RELN: variants seen among roughly 807,000 people sequenced by gnomAD.
RELN encodes the protein reelin.
Under a neutral mutation model 427.6 loss-of-function variants are expected in RELN, and 108 were observed. That is an observed-to-expected ratio of 0.25 (90% CI 0.22 to 0.30). The LOEUF (loss-of-function observed/expected upper bound fraction) is 0.30, where lower values mean the gene tolerates loss of function less well. Among genes scored for constraint, RELN ranks in the 10% least tolerant of loss-of-function variants. The pLI is 1.00. For missense variants in RELN, 3,715 were observed against 4,302.8 expected (o/e 0.86, Z 3.82); for synonymous variants, 1,524 against 1,513.4 (o/e 1.01, Z -0.16).
intron 16 of RELN, among the ~76,000 whole-genome samples, chr7:103,645,396 G>A (rs1156716955): frequency 9.2e-5 from 14 of 151,380 alleles, no homozygotes; most frequent in East Asian, 5.8e-4. Context: ...CCACCTAACT[G>A]GTAAAGACAC....
intron 50 of RELN, among the ~76,000 whole-genome samples, chr7:103,511,299 T>A (rs1423247808): frequency 6.6e-6 from 1 of 152,148 alleles, no homozygotes; most frequent in East Asian, 1.9e-4. Flanking sequence ...AATAACTAAT[T>A]TTTTGACAGA....
intron 1 of RELN, among the ~76,000 whole-genome samples, chr7:103,972,311 C>T (rs887582054): frequency 3.6e-4 from 54 of 152,072 alleles, no homozygotes; most frequent in Admixed American, 6.6e-5. Flanking sequence ...TCTGCATGCA[C>T]GTATGCAAAT....
At chr7:103,593,943 A>G in intron 26 of RELN, 61 bp from the exon 27 acceptor site, 2 of 1,305,932 alleles carry the variant, frequency 1.5e-6, no homozygotes, top group African/African-American at 1.5e-5. Flanking sequence ...ACAAGAAAGG[A>G]ATTTTCATTT....
At chr7:103,658,803 A>ATCTC (rs140889823) in intron 12 of RELN, among the ~76,000 whole-genome samples, 4 of 145,528 alleles carry the variant, frequency 2.7e-5, no homozygotes, top group East Asian at 2.0e-4. Context: ...ATCCTGGTTG[A>ATCTC]TCTCTCTCTC....
At chr7:103,940,651 A>C (rs556257324) in intron 1 of RELN, among the ~76,000 whole-genome samples, 3 of 152,330 alleles carry the variant, frequency 2.0e-5, no homozygotes, top group African/African-American at 7.2e-5. Flanking sequence ...ACCTTGAGGC[A>C]TAAACCTCTC....
Position 103,589,585 on chromosome 7 carries a change from G to A in RELN, c.4145+11C>T, listed in dbSNP as rs761694952. ...TTAATGGCCCAAACCCATTAAGAATGATTACTTTACCTGGATGCAAGAGAC... is the reference window on the plus strand; with the variant it reads ...TTAATGGCCCAAACCCATTAAGAATAATTACTTTACCTGGATGCAAGAGAC... On this transcript the variant is annotated intron_variant, in intron 28 of 64. Coordinates refer to ENST00000428762, the MANE Select transcript of RELN (RefSeq NM_005045.4). The A allele has an allele frequency of 7.0e-6, 11 of 1,574,716 alleles. No individual in the cohort carries two copies. The Admixed American group carries it at 8.3e-5, about 12-fold the overall frequency.
At position 103,630,068 on chromosome 7, in the gene RELN, C is replaced by T; in HGVS notation, c.2574G>A (p.Glu858=). 6.2e-7 allele frequency: 1 copy of T among 1,613,220 alleles called. No individual in the cohort carries two copies. Among genetic ancestry groups the T allele is most frequent in the Non-Finnish European group, 8.5e-7 (1 of 1,179,270 alleles). The change falls in exon 20 of 65, where the codon GAG becomes GAA. Residue 858 remains glutamate, a synonymous_variant. Coordinates refer to ENST00000428762, the MANE Select transcript of RELN (RefSeq NM_005045.4). The part of the protein sequence containing the change: ...SQREDVWAID[E]IIMTSVLFNS... ...TGAAAAGCACAGATGTCATGATAAT[C>T]TCATCAATAGCCCATACATCTTCTC...
intron 1 of RELN, among the ~76,000 whole-genome samples, chr7:103,941,394 C>T (rs1418571093): frequency 6.6e-6 from 1 of 152,126 alleles, no homozygotes; most frequent in African/African-American, 2.4e-5. Context: ...TTTCTTTCCT[C>T]TTAAAGCAGA....
rs1042946541 is a variant in RELN, at chr7:103,521,942, A to G, written c.7668+80T>C. 4.1e-6 allele frequency: 6 copies of G among 1,445,934 alleles called. No individual in the cohort carries two copies. In the African/African-American group the frequency reaches 5.6e-5, roughly 13 times the overall value. The allele number at this position is 1,445,934 out of a possible 1,614,324, so 89.6% of individuals were successfully genotyped here. ...ACTAACCCTGCATCTTGATTTGCCCATTAAACTTCAGAAGAGAGTCAACTA... is the reference window on the plus strand; with the variant it reads ...ACTAACCCTGCATCTTGATTTGCCCGTTAAACTTCAGAAGAGAGTCAACTA... On this transcript the variant is annotated intron_variant, in intron 48 of 64. Transcript: ENST00000428762.
At chr7:103,985,825 C>A (rs1180379692) in intron 1 of RELN, among the ~76,000 whole-genome samples, 1 of 152,146 alleles carries the variant, frequency 6.6e-6, no homozygotes, top group South Asian at 2.1e-4. Flanking sequence ...ATCCAACCAT[C>A]ACACTTTTCA....
chr7:103,663,046 C>G (rs1833179968), intron 11 of RELN, among the ~76,000 whole-genome samples: 1 of 152,146 alleles, frequency 6.6e-6, no homozygotes, highest in Non-Finnish European at 1.5e-5. Flanking sequence ...TGTCAGCCCT[C>G]TGAATCTTAA....
intron 11 of RELN, among the ~76,000 whole-genome samples, chr7:103,675,097 GTC>G (rs1833486598): frequency 6.6e-6 from 1 of 152,146 alleles, no homozygotes; most frequent in South Asian, 2.1e-4. Context: ...AAGTCAAATT[GTC>G]TCTGTTTGCA....
At chr7:103,502,661 A>C (rs1160714963) in intron 52 of RELN, among the ~76,000 whole-genome samples, 1 of 152,206 alleles carries the variant, frequency 6.6e-6, no homozygotes, top group Admixed American at 6.5e-5. Flanking sequence ...AATAATGTGG[A>C]AAGTATATAG....
intron 28 of RELN, among the ~76,000 whole-genome samples, chr7:103,579,464 T>A (rs563913275): frequency 6.6e-6 from 1 of 152,068 alleles, no homozygotes; most frequent in Non-Finnish European, 1.5e-5. Flanking sequence ...CTGGGCAAAT[T>A]GGCACATGCT....
chr7:103,811,286 G>A (rs764541362), intron 3 of RELN, among the ~76,000 whole-genome samples: 1 of 152,142 alleles, frequency 6.6e-6, no homozygotes, highest in Non-Finnish European at 1.5e-5. Flanking sequence ...ATGGCAAAGT[G>A]TAGAGCAACC....
At chr7:103,923,555 C>A (rs1486816852) in intron 1 of RELN, among the ~76,000 whole-genome samples, 1 of 152,100 alleles carries the variant, frequency 6.6e-6, no homozygotes, top group African/African-American at 2.4e-5. Context: ...GAAAAGAGAT[C>A]TTAAATAATT....
intron 2 of RELN, among the ~76,000 whole-genome samples, chr7:103,881,900 C>A (rs1285633208): frequency 6.6e-6 from 1 of 152,158 alleles, no homozygotes. Context: ...GGATTTTAAG[C>A]TCCTAAAAGG....
chr7:103,901,638 C>G (rs1039871034), intron 2 of RELN, among the ~76,000 whole-genome samples: 59 of 152,076 alleles, frequency 3.9e-4, no homozygotes, highest in African/African-American at 1.4e-3. Context: ...GTGAAAGAAG[C>G]TAGTCACAAA....
chr7:103,565,921 T>G (rs2240963), intron 33 of RELN, among the ~76,000 whole-genome samples: 66,192 of 151,986 alleles, frequency 0.44, 14,396 homozygotes, highest in East Asian at 0.5. Flanking sequence ...CTATCTTTTT[T>G]TAAACATAGA....
Sources: allele counts gnomAD v4.1 joint callset (sites outside exome capture counted in the v4.1 genomes callset), GRCh38; gene constraint gnomAD v4.1.1; transcripts MANE v1.5; gene names NCBI Gene and HGNC (gene_info 2026-07-23, HGNC 2026-07-21).